ZNF408: variants seen among roughly 807,000 people sequenced by gnomAD.
ZNF408 encodes zinc finger protein 408, also known as PR domain zinc finger protein 17.
Under a neutral mutation model 27.6 loss-of-function variants are expected in ZNF408, and 24 were observed. The ratio of observed to expected loss-of-function variants is 0.87; its 90% CI spans 0.63 to 1.22. The LOEUF is 1.22. ZNF408 is among the 50% of genes most tolerant of loss of function. ZNF408 has a pLI of 0.00. For missense variants in ZNF408, 897 were observed against 949.0 expected, an observed-to-expected ratio of 0.95 and a Z score of 0.72; for synonymous variants, 410 against 396.1, an observed-to-expected ratio of 1.04 and a Z score of -0.42.
rs2077945512 is a variant in ZNF408, at chr11:46,705,029, C to T, written c.1329C>T (p.Gly443=). The T allele has an allele frequency of 6.2e-7, 1 of 1,613,156 alleles. No individual in the cohort carries two copies. Among genetic ancestry groups the T allele is most frequent in the Non-Finnish European group, 8.5e-7 (1 of 1,180,018 alleles). Residue 443 remains glycine (G), a synonymous_variant, in exon 5 of 5, where the codon GGC becomes GGT. Transcript: ENST00000311764. The surrounding 1 kb of genome is among the most constrained non-coding windows in gnomAD (Gnocchi z 6.5). ...GGCCCTTTGCTTGTGACCAGTGTGG[C>T]AAGGCCTTTGCCCGCCGGCCCTCCC... ...GARPFACDQC[G]KAFARRPSLR...
intron 2 of ZNF408, 115 bp downstream of exon 2, chr11:46,701,791 T>C: frequency 1.5e-6 from 2 of 1,293,178 alleles, no homozygotes; most frequent in Non-Finnish European, 2.1e-6. Flanking sequence ...TAGGAGATAG[T>C]CTTGTCCCTT....
In ZNF408 at chr11:46,701,626, G is replaced by A. The variant is rs775886531; in HGVS notation, c.280G>A (p.Glu94Lys). 8 of 1,607,324 alleles carry A rather than the reference G, an allele frequency of 5.0e-6. No homozygotes were observed. In the East Asian group the frequency reaches 1.8e-4, roughly 36 times the overall value. Reference protein sequence around the residue: ...PGLLWGPLEEESASKEKGEGV... With the variant: ...PGLLWGPLEEKSASKEKGEGV... Reference sequence around the variant, plus strand: ...CCTGCTGTGGGGGCCGCTGGAAGAGGAGTCTGCCTCCAAGGAGAAGGGCGA... The same window carrying A: ...CCTGCTGTGGGGGCCGCTGGAAGAGAAGTCTGCCTCCAAGGAGAAGGGCGA... Residue 94 changes from glutamate to lysine, a missense_variant, in exon 2 of 5, where the codon GAG becomes AAG. Transcript: ENST00000311764.
rs771737879 is a variant in ZNF408, at chr11:46,705,033, G to A, written c.1333G>A (p.Ala445Thr). The change falls in exon 5 of 5, where the codon GCC (alanine) becomes ACC (threonine). Residue 445 changes from alanine (A) to threonine (T), a missense_variant. Coordinates refer to ENST00000311764, the MANE Select transcript of ZNF408 (RefSeq NM_024741.3). The surrounding 1 kb of genome is among the most constrained non-coding windows in gnomAD (Gnocchi z 6.5). The part of the protein sequence containing the change: ...RPFACDQCGK[A>T]FARRPSLRLH... The stretch of plus-strand genomic sequence containing the variant: ...CTTTGCTTGTGACCAGTGTGGCAAG[G>A]CCTTTGCCCGCCGGCCCTCCCTGCG... The A allele has an allele frequency of 3.7e-6, 6 of 1,613,192 alleles. No individual in the cohort carries two copies. In the South Asian group the frequency reaches 4.4e-5, roughly 12 times the overall value.
At chr11:46,702,907 G>C (rs1418681648) in intron 3 of ZNF408, 77 bp from the exon 4 acceptor site, 2 of 1,599,438 alleles carry the variant, frequency 1.3e-6, no homozygotes, top group Non-Finnish European at 8.5e-7. Flanking sequence ...GACCCAGACT[G>C]CTTGGGGACT....
rs201672624 is a variant in ZNF408 at position 46,705,370 on chromosome 11, G to T, written c.1670G>T (p.Gly557Val). The T allele has an allele frequency of 4.4e-6, 7 of 1,599,506 alleles. No homozygotes were observed. The Admixed American group carries it at 1.2e-4, about 27-fold the overall frequency. ...TGEAHLCPVCGKALRDPHTLR... is the reference protein window; with the variant it reads ...TGEAHLCPVCVKALRDPHTLR... ...GAGGCCCACTTGTGCCCGGTGTGTG[G>T]CAAGGCCCTCCGAGACCCACACACG... is the stretch of plus-strand genomic sequence containing the variant. Residue 557 changes from glycine to valine, a missense_variant, in exon 5 of 5, where the codon GGC becomes GTC. Physicochemically the swap from Gly to Val is moderately radical, Grantham distance 109. Transcript: ENST00000311764. This position sits in a 1 kb window ranked among gnomAD's most constrained non-coding sequence, Gnocchi z 6.5.
At position 46,704,495 on chromosome 11, in the gene ZNF408, C is replaced by T; in HGVS notation, c.795C>T (p.Cys265=). ...AGGATGGCGACGTGGATGAGGAATG[C>T]CCGGCCCAGGCACAGATGCCACCTG... ...LLQDGDVDEE[C]PAQAQMPPEL... The change falls in exon 5 of 5, where the codon TGC becomes TGT. Residue 265 remains cysteine, a synonymous_variant. Coordinates refer to ENST00000311764, the MANE Select transcript of ZNF408 (RefSeq NM_024741.3). 1 of 1,614,102 alleles carries T rather than the reference C, an allele frequency of 6.2e-7. No homozygotes were observed. The highest frequency in any genetic ancestry group is 8.5e-7 in the Non-Finnish European group (1 of 1,180,028).
In ZNF408 at chr11:46,705,870, T is replaced by C; in HGVS notation, c.*7T>C. ...GGTGGAGATGGGCACCTGACAGCTT[T>C]GCCTTTTGCTGACACAGCTCCATAA... On this transcript the variant is annotated 3_prime_UTR_variant, in exon 5 of 5. Transcript: ENST00000311764. The surrounding 1 kb of genome is among the most constrained non-coding windows in gnomAD (Gnocchi z 6.5). 1.2e-6 allele frequency: 2 copies of C among 1,607,192 alleles called. No homozygotes were observed. The highest frequency in any genetic ancestry group is 1.7e-6 in the Non-Finnish European group (2 of 1,176,868).
At position 46,705,905 on chromosome 11, in the gene ZNF408, C is replaced by G. The variant is rs767231498; in HGVS notation, c.*42C>G. 1.8e-5 allele frequency: 29 copies of G among 1,572,844 alleles called. No individual in the cohort carries two copies. Among genetic ancestry groups the G allele is most frequent in the Non-Finnish European group, 2.2e-5 (26 of 1,159,346 alleles). ...TGACACAGCTCCATAAAGACTCGTG[C>G]TTTCTCACTGCTGCGTGTCTGCATC... On this transcript the variant is annotated 3_prime_UTR_variant, in exon 5 of 5. Transcript: ENST00000311764. The surrounding 1 kb of genome is among the most constrained non-coding windows in gnomAD (Gnocchi z 6.5).
At position 46,702,836 on chromosome 11, in the gene ZNF408, C is replaced by T; in HGVS notation, c.392+71C>T. ...GGTTTGGGATGGAACCCGGTGCTGA[C>T]TGTCATTTCCTATTCAGTGCTCTTT... On this transcript the variant is annotated intron_variant, in intron 3 of 4. Transcript: ENST00000311764. 4.4e-6 allele frequency: 7 copies of T among 1,602,184 alleles called. No individual in the cohort carries two copies. The South Asian group carries it at 7.7e-5, about 18-fold the overall frequency.
chr11:46,701,829 C>T (rs2064710682), intron 2 of ZNF408, 153 bp downstream of exon 2: 3 of 994,782 alleles, frequency 3.0e-6, no homozygotes, highest in Admixed American at 6.4e-5. Flanking sequence ...CTCTCAGCAG[C>T]AGTAGTTAAA....
chr11:46,703,027 C>T lies in ZNF408; in HGVS notation c.436C>T (p.Pro146Ser). The part of the protein sequence containing the change: ...GRLESEGNVA[P>S]VRISERLHLQ... ...GCTGGAGAGTGAGGGAAATGTGGCC[C>T]CAGTGCGGATCAGCGAGAGGCTTCA... The change falls in exon 4 of 5, where the codon CCA (proline) becomes TCA (serine). Residue 146 changes from proline (P) to serine (S), a missense_variant. Physicochemically the swap from Pro to Ser is moderately conservative, Grantham distance 74 (BLOSUM62 -1). Transcript: ENST00000311764. 2 of 1,614,002 alleles carry T rather than the reference C, an allele frequency of 1.2e-6. No homozygotes were observed. The highest frequency in any genetic ancestry group is 1.7e-6 in the Non-Finnish European group (2 of 1,179,884).
chr11:46,701,303 C>T, intron 1 of ZNF408, 96 bp from the exon 2 acceptor site: 2 of 1,574,204 alleles, frequency 1.3e-6, no homozygotes, highest in Admixed American at 1.8e-5. Context: ...CCCTCGGGCT[C>T]CGCAGGCCCA....
chr11:46,703,770 G>GTTTTTTT (rs1480616553), intron 4 of ZNF408, among the ~76,000 whole-genome samples: 1 of 93,836 alleles, frequency 1.1e-5, no homozygotes. Flanking sequence ...TGTTGTTGTT[G>GTTTTTTT]TTTTTTTTTT....
rs1337295794 is a variant in ZNF408 at position 46,701,995 on chromosome 11, A to G, written c.330+319A>G. On this transcript the variant is annotated intron_variant, in intron 2 of 4. Transcript: ENST00000311764. ...TTAAATTACGTGCCGCATTTAATTC[A>G]TCTGTGAAACAAAGCAGTGGCTCTC... is the stretch of plus-strand genomic sequence containing the variant. 1.6e-5 allele frequency: 4 copies of G among 251,974 alleles called. No homozygotes were observed. In the East Asian group the frequency reaches 3.0e-4, roughly 19 times the overall value. 15.6% of individuals were successfully genotyped at this position (251,974 alleles called of 1,614,324 possible).
At chr11:46,701,213 C>T in intron 1 of ZNF408, 114 bp downstream of exon 1, 2 of 1,589,846 alleles carry the variant, frequency 1.3e-6, no homozygotes, top group African/African-American at 1.3e-5. Flanking sequence ...CCTCCAGTGC[C>T]CTCAGAGTCG....
rs1332051940 is a variant in ZNF408, at chr11:46,705,524, C to T, written c.1824C>T (p.Arg608=). Residue 608 remains arginine, a synonymous_variant, in exon 5 of 5, where the codon CGC becomes CGT. Coordinates refer to ENST00000311764, the MANE Select transcript of ZNF408 (RefSeq NM_024741.3). The surrounding 1 kb of genome is among the most constrained non-coding windows in gnomAD (Gnocchi z 6.5). ...LKSHLEDKPY[R]CPTCGMGYTL... ...CTCACTTGGAGGACAAGCCCTACCG[C>T]TGCCCCACCTGTGGCATGGGCTACA... 1 of 1,604,618 alleles carries T rather than the reference C, an allele frequency of 6.2e-7. No homozygotes were observed. The highest frequency in any genetic ancestry group is 1.7e-5 in the Admixed American group (1 of 60,002).
In ZNF408 at chr11:46,702,741, G is replaced by C; in HGVS notation, c.368G>C (p.Cys123Ser). 6.2e-7 allele frequency: 1 copy of C among 1,614,244 alleles called. No individual in the cohort carries two copies. The highest frequency in any genetic ancestry group is 8.5e-7 in the Non-Finnish European group (1 of 1,180,044). The change falls in exon 3 of 5, where the codon TGT becomes TCT. Residue 123 changes from cysteine (C) to serine (S), a missense_variant. By Grantham distance (112) the Cys-to-Ser change is moderately radical. Coordinates refer to ENST00000311764, the MANE Select transcript of ZNF408 (RefSeq NM_024741.3). ...GGCCCATGGGGAGACGTGTGTGCCTGTGAGCAGAGTTCTGGCTGGACTAGG... is the reference window on the plus strand; with the variant it reads ...GGCCCATGGGGAGACGTGTGTGCCTCTGAGCAGAGTTCTGGCTGGACTAGG... ...SLGPWGDVCACEQSSGWTSLV... is the reference protein window; with the variant it reads ...SLGPWGDVCASEQSSGWTSLV...
At position 46,701,074 on chromosome 11, in the gene ZNF408, G is replaced by C. The variant is rs1284458067; in HGVS notation, c.27G>C (p.Leu9Phe). 1.2e-6 allele frequency: 2 copies of C among 1,614,166 alleles called. No individual in the cohort carries two copies. The highest frequency in any genetic ancestry group is 1.1e-5 in the South Asian group (1 of 91,082). ...TGGAGGAGGCGGAGGAGCTGCTCTT[G>C]GAGGGGAAGAAGGCGCTGCAACTCG... MEEAEELL[L>F]EGKKALQLAR... The change falls in exon 1 of 5, where the codon TTG becomes TTC. Residue 9 changes from leucine to phenylalanine, a missense_variant. Physicochemically the swap from Leu to Phe is conservative, Grantham distance 22 (BLOSUM62 0). Transcript: ENST00000311764.
At position 46,703,115 on chromosome 11, in the gene ZNF408, C is replaced by T. The variant is rs1645318744; in HGVS notation, c.524C>T (p.Ser175Phe). 3 of 1,612,098 alleles carry T rather than the reference C, an allele frequency of 1.9e-6. No individual in the cohort carries two copies. Among genetic ancestry groups the T allele is most frequent in the Non-Finnish European group, 2.5e-6 (3 of 1,179,342 alleles). The change falls in exon 4 of 5, where the codon TCT becomes TTT. Residue 175 changes from serine to phenylalanine, a missense_variant. Physicochemically the swap from Ser to Phe is radical, Grantham distance 155 (BLOSUM62 -2). Transcript: ENST00000311764. ...CTGCTGCTGTGGCCCCAGCCTTCCT[C>T]TGAGGGCCCAAGTCTCACCCAGCCT... ...SELLLWPQPS[S>F]EGPSLTQPGL...
Sources: gnomAD v4.1 joint callset for allele counts (sites outside exome capture counted in the v4.1 genomes callset) on GRCh38, gnomAD v4.1.1 for gene constraint, Gnocchi (gnomAD v3.1) non-coding constraint, MANE v1.5 for transcripts, NCBI Gene and HGNC (gene_info 2026-07-23, HGNC 2026-07-21) for gene names.